Variants in CTNND2 observed in about 807,000 individuals in gnomAD.
CTNND2 encodes catenin delta 2, also known as catenin delta-2.
A neutral mutation model predicts 144.4 loss-of-function variants in CTNND2; 22 were observed. The ratio of observed to expected loss-of-function variants is 0.15; its 90% CI spans 0.11 to 0.22. The LOEUF (loss-of-function observed/expected upper bound fraction) is 0.22. Ranked by LOEUF, CTNND2 falls within the 10% of genes least tolerant of loss-of-function variation. The pLI is 1.00. For missense variants in CTNND2, 1,353 were observed against 1,618.8 expected (o/e 0.84, Z 2.82); for synonymous variants, 751 against 695.6 (o/e 1.08, Z -1.25).
At chr5:11,392,450 A>G (rs1759718564) in intron 6 of CTNND2, among the ~76,000 whole-genome samples, 1 of 152,240 alleles carries the variant, frequency 6.6e-6, no homozygotes, top group African/African-American at 2.4e-5. Context: ...GCACCCGCAA[A>G]AATATACTAC....
intron 1 of CTNND2, among the ~76,000 whole-genome samples, chr5:11,869,654 C>T (rs573078329): frequency 6.6e-5 from 10 of 152,314 alleles, no homozygotes; most frequent in Non-Finnish European, 1.0e-4. Flanking sequence ...ATGATAATGA[C>T]GGTTGCACAG....
At chr5:11,328,358 T>C (rs1752747024) in intron 9 of CTNND2, among the ~76,000 whole-genome samples, 1 of 151,258 alleles carries the variant, frequency 6.6e-6, no homozygotes, top group African/African-American at 2.4e-5. Context: ...AGTGGTGCCA[T>C]CACGGCTCAC....
At position 11,814,188 on chromosome 5, in the gene CTNND2, T is replaced by C. The variant is rs1217623530; in HGVS notation, c.38-81916A>G. On this transcript the variant is annotated intron_variant, in intron 1 of 21. Transcript: ENST00000304623. ...TCAATTAAGTTGTACCTAAAACATATTAAATCATGCCAATGTAGATTTTTT... is the reference window on the plus strand; with the variant it reads ...TCAATTAAGTTGTACCTAAAACATACTAAATCATGCCAATGTAGATTTTTT... 2.6e-5 allele frequency among the ~76,000 whole-genome samples: 4 copies of C among 152,250 alleles called. No individual in the cohort carries two copies. In the South Asian group the frequency reaches 6.2e-4, roughly 24 times the overall value.
intron 11 of CTNND2, among the ~76,000 whole-genome samples, chr5:11,171,768 G>A (rs1759947121): frequency 6.6e-6 from 1 of 152,166 alleles, no homozygotes; most frequent in Admixed American, 6.5e-5. Context: ...GGGCATCACG[G>A]AAGGTTCTAT....
At position 11,256,367 on chromosome 5, in the gene CTNND2, A is replaced by G. The variant is rs1744246363; in HGVS notation, c.1629-19544T>C. On this transcript the variant is annotated intron_variant, in intron 9 of 21. Coordinates refer to ENST00000304623, the MANE Select transcript of CTNND2 (RefSeq NM_001332.4). ...TTTCCCCAGCCTCTCTGTGGCAACCAAGGAGAATGTGTAGCACTTGTCACG... is the reference window on the plus strand; with the variant it reads ...TTTCCCCAGCCTCTCTGTGGCAACCGAGGAGAATGTGTAGCACTTGTCACG... Among the ~76,000 whole-genome samples the G allele has an allele frequency of 2.0e-5, 3 of 152,182 alleles. No individual in the cohort carries two copies. The South Asian group carries it at 6.2e-4, about 32-fold the overall frequency.
intron 5 of CTNND2, among the ~76,000 whole-genome samples, chr5:11,402,684 A>T (rs1243164466): frequency 6.6e-6 from 1 of 152,246 alleles, no homozygotes; most frequent in African/African-American, 2.4e-5. Context: ...GGCTCAGCGC[A>T]TCTACCATTC....
At chr5:11,506,171 A>C (rs1015825226) in intron 3 of CTNND2, among the ~76,000 whole-genome samples, 4 of 152,106 alleles carry the variant, frequency 2.6e-5, no homozygotes, top group African/African-American at 9.7e-5. Flanking sequence ...CCCAAGCTCC[A>C]GACCTACATA....
At chr5:11,256,856 T>G (rs1217864880) in intron 9 of CTNND2, among the ~76,000 whole-genome samples, 1 of 152,178 alleles carries the variant, frequency 6.6e-6, no homozygotes, top group Non-Finnish European at 1.5e-5. Context: ...GCCAGGTAAT[T>G]CTTGGTTGGG....
chr5:11,619,359 G>A (rs1323166510), intron 2 of CTNND2, among the ~76,000 whole-genome samples: 1 of 152,182 alleles, frequency 6.6e-6, no homozygotes, highest in Admixed American at 6.5e-5. Flanking sequence ...ATTGAGCTGA[G>A]ATCATGCCAC....
At chr5:11,589,540 G>A (rs1457920682) in intron 2 of CTNND2, among the ~76,000 whole-genome samples, 2 of 152,008 alleles carry the variant, frequency 1.3e-5, no homozygotes, top group Admixed American at 6.6e-5. Context: ...AATACAAAAT[G>A]GCAAAATCCT....
chr5:11,831,684 A>G (rs1793912237), intron 1 of CTNND2, among the ~76,000 whole-genome samples: 1 of 150,348 alleles, frequency 6.7e-6, no homozygotes. Context: ...AAAAAAAAAG[A>G]GTTCAGAAAT....
At chr5:11,188,654 A>C (rs1735909230) in intron 11 of CTNND2, among the ~76,000 whole-genome samples, 2 of 152,154 alleles carry the variant, frequency 1.3e-5, no homozygotes, top group African/African-American at 4.8e-5. Context: ...TGTATATGGA[A>C]ATGTCTTGTT....
chr5:11,147,047 A>G (rs927762029), intron 12 of CTNND2, among the ~76,000 whole-genome samples: 2 of 152,208 alleles, frequency 1.3e-5, no homozygotes, highest in Non-Finnish European at 2.9e-5. Flanking sequence ...CCATTCATCA[A>G]TTCAGTCATT....
At chr5:11,112,662 A>T (rs1204459892) in intron 13 of CTNND2, among the ~76,000 whole-genome samples, 3 of 152,200 alleles carry the variant, frequency 2.0e-5, no homozygotes, top group Non-Finnish European at 4.4e-5. Context: ...ATGCTCTTCA[A>T]ATGTTCATAT....
chr5:11,006,458 G>A (rs1561159805), intron 18 of CTNND2, among the ~76,000 whole-genome samples: 3 of 152,348 alleles, frequency 2.0e-5, no homozygotes, highest in South Asian at 2.1e-4. Flanking sequence ...TCTGGGTCCC[G>A]AGTGCCCACA....
At chr5:11,622,717 C>T (rs1220072395) in intron 2 of CTNND2, among the ~76,000 whole-genome samples, 1 of 152,082 alleles carries the variant, frequency 6.6e-6, no homozygotes, top group East Asian at 1.9e-4. Flanking sequence ...TCCATACAAA[C>T]CTGGACCCTC....
chr5:11,335,509 T>C (rs1753650570), intron 9 of CTNND2, among the ~76,000 whole-genome samples: 1 of 152,138 alleles, frequency 6.6e-6, no homozygotes. Flanking sequence ...AGAATTCCAC[T>C]TGTGGTAGAA....
intron 2 of CTNND2, among the ~76,000 whole-genome samples, chr5:11,632,677 G>A (rs892454509): frequency 3.9e-5 from 6 of 152,100 alleles, no homozygotes; most frequent in Non-Finnish European, 7.4e-5. Context: ...TTAGGAGATG[G>A]AAGATTTCAA....
At chr5:11,024,606 G>GA (rs1213176727) in intron 16 of CTNND2, among the ~76,000 whole-genome samples, 1 of 152,012 alleles carries the variant, frequency 6.6e-6, no homozygotes, top group African/African-American at 2.4e-5. Flanking sequence ...CAAAATAACT[G>GA]AAAAAATACT....
Sources: gnomAD v4.1 joint callset for allele counts (sites outside exome capture counted in the v4.1 genomes callset) on GRCh38, gnomAD v4.1.1 for gene constraint, MANE v1.5 for transcripts, NCBI Gene and HGNC (gene_info 2026-07-23, HGNC 2026-07-21) for gene names.